ERO1B: variants seen among roughly 807,000 people sequenced by gnomAD.
ERO1B encodes endoplasmic reticulum oxidoreductase 1 beta, also known as ERO1-like protein beta.
In ERO1B, 49 loss-of-function variants were observed where a neutral mutation model predicts 75.3. That is an observed-to-expected ratio of 0.65 (90% CI 0.52 to 0.83). ERO1B has a LOEUF of 0.83. ERO1B is among the 40% of genes least tolerant of loss of function. The pLI is 0.00. For missense variants in ERO1B, 512 were observed against 560.1 expected, an observed-to-expected ratio of 0.91 and a Z score of 0.87; for synonymous variants, 191 against 192.9, an observed-to-expected ratio of 0.99 and a Z score of 0.08.
chr1:236,249,289 G>A (rs1664958875), intron 5 of ERO1B, among the ~76,000 whole-genome samples: 1 of 152,130 alleles, frequency 6.6e-6, no homozygotes. Flanking sequence ...GCCTCCCAAA[G>A]TGCTGGGATT....
At chr1:236,245,752 A>AT in intron 5 of ERO1B, among the ~76,000 whole-genome samples, 1 of 129,660 alleles carries the variant, frequency 7.7e-6, no homozygotes, top group Middle Eastern at 3.6e-3. Flanking sequence ...CGCCTGGCTA[A>AT]TTTTTTTATT....
chr1:236,247,697 A>G (rs1228221878), intron 5 of ERO1B, among the ~76,000 whole-genome samples: 2 of 151,532 alleles, frequency 1.3e-5, no homozygotes, highest in Non-Finnish European at 2.9e-5. Context: ...ATCTCTACCC[A>G]CCCCACCTCC....
intron 5 of ERO1B, among the ~76,000 whole-genome samples, chr1:236,248,704 CTTA>C (rs1222150136): frequency 1.3e-5 from 2 of 152,018 alleles, no homozygotes; most frequent in Non-Finnish European, 2.9e-5. Flanking sequence ...ATAAAACTAT[CTTA>C]TTTATACATA....
At chr1:236,264,567 G>C (rs1665375790) in intron 2 of ERO1B, among the ~76,000 whole-genome samples, 1 of 152,150 alleles carries the variant, frequency 6.6e-6, no homozygotes, top group African/African-American at 2.4e-5. Flanking sequence ...GGGTGGGCCA[G>C]GCATGGTGGC....
At chr1:236,255,797 T>G (rs530535880) in intron 2 of ERO1B, among the ~76,000 whole-genome samples, 3 of 152,332 alleles carry the variant, frequency 2.0e-5, no homozygotes, top group Admixed American at 2.0e-4. Flanking sequence ...GCTTCTGGCC[T>G]GTATACCCAC....
chr1:236,246,668 A>T (rs1664894545), intron 5 of ERO1B, among the ~76,000 whole-genome samples: 1 of 152,204 alleles, frequency 6.6e-6, no homozygotes, highest in Admixed American at 6.5e-5. Context: ...GTTCTATATC[A>T]TTCTATTTAT....
chr1:236,234,091 A>T (rs988355501), intron 8 of ERO1B, among the ~76,000 whole-genome samples: 1 of 152,238 alleles, frequency 6.6e-6, no homozygotes, highest in South Asian at 2.1e-4. Flanking sequence ...TAATCAACCA[A>T]TTTCAATGGA....
chr1:236,222,575 G>A (rs1460917602), intron 13 of ERO1B, among the ~76,000 whole-genome samples: 1 of 152,156 alleles, frequency 6.6e-6, no homozygotes, highest in Non-Finnish European at 1.5e-5. Context: ...TATGCACTAT[G>A]GGAGATACAA....
In ERO1B at chr1:236,259,407, C is replaced by T. The variant is rs551840650; in HGVS notation, c.223-5902G>A. Among the ~76,000 whole-genome samples, 163 of 152,198 alleles carry T rather than the reference C, an allele frequency of 1.1e-3. 1 individual carries two copies. Among genetic ancestry groups the T allele is most frequent in the African/African-American group, 3.6e-3 (149 of 41,524 alleles). ...TACCTATCAATGATTACTTTGAATG[C>T]AAATGGATTAAATTATCCAATCAAA... On this transcript the variant is annotated intron_variant, in intron 2 of 15. Coordinates refer to ENST00000354619, the MANE Select transcript of ERO1B (RefSeq NM_019891.4).
intron 4 of ERO1B, among the ~76,000 whole-genome samples, chr1:236,250,595 AT>A: frequency 1.7e-5 from 1 of 59,046 alleles, no homozygotes; most frequent in Non-Finnish European, 3.5e-5. Context: ...ATATATATAT[AT>A]ATATATATAT....
chr1:236,269,260 AAAAT>A (rs1157897243), intron 2 of ERO1B, among the ~76,000 whole-genome samples: 16 of 152,324 alleles, frequency 1.1e-4, no homozygotes, highest in African/African-American at 3.6e-4. Flanking sequence ...AATAAAAAAT[AAAAT>A]AAAATAAAAT....
At chr1:236,267,109 T>C (rs1222833250) in intron 2 of ERO1B, among the ~76,000 whole-genome samples, 1 of 152,236 alleles carries the variant, frequency 6.6e-6, no homozygotes, top group Non-Finnish European at 1.5e-5. Context: ...ACAGGTCATA[T>C]GACCGTACCT....
chr1:236,223,093 T>C (rs2102938570), intron 13 of ERO1B, among the ~76,000 whole-genome samples: 1 of 151,498 alleles, frequency 6.6e-6, no homozygotes, highest in South Asian at 2.1e-4. Flanking sequence ...TCCCAGCTAC[T>C]TGGGAGGCTG....
At chr1:236,226,827 T>C (rs1664291249) in intron 10 of ERO1B, 88 bp from the exon 11 acceptor site, 2 of 884,848 alleles carry the variant, frequency 2.3e-6, no homozygotes. Flanking sequence ...AGGCTTATTT[T>C]TGATTGAAGA....
chr1:236,223,324 A>C (rs1664202793), intron 13 of ERO1B, among the ~76,000 whole-genome samples: 1 of 152,096 alleles, frequency 6.6e-6, no homozygotes, highest in South Asian at 2.1e-4. Flanking sequence ...AAGATTGGTT[A>C]AGAGAAAATT....
At chr1:236,239,869 A>ATGTATATATG (rs1664649906) in intron 6 of ERO1B, among the ~76,000 whole-genome samples, 1 of 64,994 alleles carries the variant, frequency 1.5e-5, no homozygotes, top group Non-Finnish European at 3.0e-5. Context: ...GTATATATAT[A>ATGTATATATG]TGTGTATATG....
chr1:236,220,027 TTA>T (rs1491215767), intron 15 of ERO1B: 5 of 132,960 alleles, frequency 3.8e-5, no homozygotes, highest in African/African-American at 1.6e-4. Flanking sequence ...CTCATCTCTT[TTA>T]AAAAAAAAAA....
At chr1:236,273,774 C>G (rs1665649914) in intron 1 of ERO1B, among the ~76,000 whole-genome samples, 1 of 146,004 alleles carries the variant, frequency 6.8e-6, no homozygotes, top group Non-Finnish European at 1.5e-5. Flanking sequence ...CCACTGCACT[C>G]CAGCTTGGGG....
Position 236,237,422 on chromosome 1 carries a change from G to A in ERO1B, c.506-1024C>T, listed in dbSNP as rs548201028. Among the ~76,000 whole-genome samples the A allele has an allele frequency of 4.6e-5, 7 of 152,120 alleles. No homozygotes were observed. In the South Asian group the frequency reaches 1.5e-3, roughly 32 times the overall value. On this transcript the variant is annotated intron_variant, in intron 6 of 15. Transcript: ENST00000354619. ...GAGCCACTGTGCCCGGCCCTATTTG[G>A]ACATTTTAATTGAGATCTCTGAGAA... is the stretch of plus-strand genomic sequence containing the variant.
Sources: gnomAD v4.1 joint callset for allele counts (sites outside exome capture counted in the v4.1 genomes callset) on GRCh38, gnomAD v4.1.1 for gene constraint, MANE v1.5 for transcripts, NCBI Gene and HGNC (gene_info 2026-07-23, HGNC 2026-07-21) for gene names.